The following MFHAS1 variants were observed in gnomAD, a reference collection of about 807,000 sequenced individuals.
The protein encoded by MFHAS1 is multifunctional ROCO family signaling regulator 1.
In MFHAS1, 50 loss-of-function variants were observed where a neutral mutation model predicts 70.4. The ratio of observed to expected loss-of-function variants is 0.71; its 90% confidence interval spans 0.57 to 0.90. The LOEUF is 0.90. Among genes scored for constraint, MFHAS1 ranks in the 40% least tolerant of loss-of-function variants. The pLI is 0.00. For missense variants in MFHAS1, 1,795 were observed against 1,347.6 expected (o/e 1.33, Z -5.20); for synonymous variants, 952 against 620.0 (o/e 1.54, Z -7.96).
At chr8:8,816,598 T>C (rs1336068288) in intron 1 of MFHAS1, among the ~76,000 whole-genome samples, 1 of 152,080 alleles carries the variant, frequency 6.6e-6, no homozygotes, top group Non-Finnish European at 1.5e-5. Context: ...GTATTGTTGG[T>C]AAAAGAAAAA....
At chr8:8,814,974 A>G (rs899154656) in intron 1 of MFHAS1, among the ~76,000 whole-genome samples, 1 of 151,700 alleles carries the variant, frequency 6.6e-6, no homozygotes, top group African/African-American at 2.4e-5. Flanking sequence ...CCTAGGTATT[A>G]AGCCCAGCAT....
intron 1 of MFHAS1, among the ~76,000 whole-genome samples, chr8:8,829,822 A>G (rs974708066): frequency 6.6e-6 from 1 of 152,184 alleles, no homozygotes; most frequent in African/African-American, 2.4e-5. Flanking sequence ...GATAAATACA[A>G]AAAAGAGACT....
At chr8:8,823,644 A>G (rs1412224990) in intron 1 of MFHAS1, among the ~76,000 whole-genome samples, 1 of 151,376 alleles carries the variant, frequency 6.6e-6, no homozygotes, top group East Asian at 2.0e-4. Context: ...AGGGCACACA[A>G]ACATGTCCTT....
chr8:8,855,006 C>T (rs1808383613), intron 1 of MFHAS1, among the ~76,000 whole-genome samples: 2 of 152,144 alleles, frequency 1.3e-5, no homozygotes, highest in Admixed American at 6.5e-5. Flanking sequence ...ATCTCCTGGG[C>T]TCAAGTGATT....
chr8:8,806,275 G>A (rs1330891218), intron 1 of MFHAS1, among the ~76,000 whole-genome samples: 2 of 152,296 alleles, frequency 1.3e-5, no homozygotes, highest in East Asian at 3.9e-4. Context: ...TTACAACACT[G>A]GGATGAGAGG....
intron 1 of MFHAS1, among the ~76,000 whole-genome samples, chr8:8,882,263 G>A (rs1015415561): frequency 3.3e-5 from 5 of 152,098 alleles, no homozygotes; most frequent in Non-Finnish European, 7.4e-5. Context: ...GGTGGTATGT[G>A]CCTGTAATCC....
At chr8:8,813,517 G>A (rs1806627383) in intron 1 of MFHAS1, among the ~76,000 whole-genome samples, 1 of 152,116 alleles carries the variant, frequency 6.6e-6, no homozygotes, top group Non-Finnish European at 1.5e-5. Flanking sequence ...TGATGATCCT[G>A]ACCCTGTGTA....
chr8:8,873,285 C>A (rs1414916359), intron 1 of MFHAS1, among the ~76,000 whole-genome samples: 1 of 152,044 alleles, frequency 6.6e-6, no homozygotes, highest in Admixed American at 6.6e-5. Flanking sequence ...CAGCTCTGTT[C>A]GGCCATACTG....
intron 1 of MFHAS1, among the ~76,000 whole-genome samples, chr8:8,802,863 G>A (rs553463473): frequency 7.2e-5 from 11 of 152,168 alleles, no homozygotes; most frequent in Non-Finnish European, 1.2e-4. Flanking sequence ...CCACCCACAC[G>A]GGATGCTGAA....
intron 1 of MFHAS1, among the ~76,000 whole-genome samples, chr8:8,875,288 G>A (rs1809247165): frequency 6.6e-6 from 1 of 152,084 alleles, no homozygotes; most frequent in South Asian, 2.1e-4. Flanking sequence ...AAAAAACTGG[G>A]AACAAGAGCA....
chr8:8,797,345 G>A lies in MFHAS1; in HGVS notation c.3125+20C>T, dbSNP rs776589544. ...GATCAGGAGCCAGGTCCCGGGGCCA[G>A]AGGGACTTTGAGAACTCACTTGGAA... On this transcript the variant is annotated intron_variant, in intron 2 of 2. Coordinates refer to ENST00000276282, the MANE Select transcript of MFHAS1 (RefSeq NM_004225.3). 6 of 1,612,304 alleles carry A rather than the reference G, an allele frequency of 3.7e-6. No homozygotes were observed. The highest frequency in any genetic ancestry group is 5.1e-6 in the Non-Finnish European group (6 of 1,178,662).
At chr8:8,837,326 A>G (rs1311055483) in intron 1 of MFHAS1, among the ~76,000 whole-genome samples, 1 of 152,204 alleles carries the variant, frequency 6.6e-6, no homozygotes, top group Non-Finnish European at 1.5e-5. Flanking sequence ...ATTTCTCCAA[A>G]GAAGAACATC....
chr8:8,867,215 T>A (rs1467490861), intron 1 of MFHAS1, among the ~76,000 whole-genome samples: 3 of 152,224 alleles, frequency 2.0e-5, no homozygotes, highest in African/African-American at 4.8e-5. Context: ...TGGGGTTTTA[T>A]GAAAGTCACA....
chr8:8,856,842 G>A (rs995719663), intron 1 of MFHAS1, among the ~76,000 whole-genome samples: 4 of 151,968 alleles, frequency 2.6e-5, no homozygotes, highest in African/African-American at 9.7e-5. Context: ...GCTGCACACG[G>A]GAAACCTTGC....
intron 1 of MFHAS1, among the ~76,000 whole-genome samples, chr8:8,831,504 C>T (rs903950033): frequency 6.6e-6 from 1 of 152,236 alleles, no homozygotes. Context: ...TCTCCACAAT[C>T]ACCTGATTTC....
intron 1 of MFHAS1, among the ~76,000 whole-genome samples, chr8:8,859,352 C>CA (rs200745413): frequency 8.2e-5 from 12 of 147,124 alleles, no homozygotes; most frequent in Admixed American, 1.3e-4. Context: ...CCCCTCACAC[C>CA]AAAAAAAAAA....
chr8:8,793,297 ATCAGGTAACAG>A (rs1185741452), intron 2 of MFHAS1, among the ~76,000 whole-genome samples: 2 of 152,270 alleles, frequency 1.3e-5, no homozygotes, highest in African/African-American at 4.8e-5. Context: ...AAAAAGGCCA[ATCAGGTAACAG>A]TCATCTACAG....
intron 1 of MFHAS1, among the ~76,000 whole-genome samples, chr8:8,844,662 A>G (rs1807962174): frequency 6.6e-6 from 1 of 152,142 alleles, no homozygotes; most frequent in African/African-American, 2.4e-5. Context: ...TCTCTCATGC[A>G]CCACCCATCA....
chr8:8,805,026 A>G (rs1424697297), intron 1 of MFHAS1, among the ~76,000 whole-genome samples: 1 of 152,240 alleles, frequency 6.6e-6, no homozygotes, highest in Non-Finnish European at 1.5e-5. Flanking sequence ...TAAACCAAGA[A>G]GAGCTGCAGT....
Sources: gnomAD v4.1 joint callset for allele counts (sites outside exome capture counted in the v4.1 genomes callset) on GRCh38, gnomAD v4.1.1 for gene constraint, MANE v1.5 for transcripts, NCBI Gene and HGNC (gene_info 2026-07-23, HGNC 2026-07-21) for gene names.